EDA: variants seen among roughly 807,000 people sequenced by gnomAD.
EDA encodes the protein ectodysplasin-A.
Under a neutral mutation model 23.6 loss-of-function variants are expected in EDA, and 2 were observed. That is an observed-to-expected ratio of 0.08 (90% CI 0.03 to 0.27). The LOEUF (loss-of-function observed/expected upper bound fraction) is 0.27. EDA is among the 10% of genes least tolerant of loss of function. The probability of loss-of-function intolerance (pLI) is 1.00; values close to 1 mark genes in which losing one functional copy is unlikely to be tolerated. For synonymous variants in EDA, 131 were observed against 132.0 expected (o/e 0.99, Z 0.05); for missense variants, 229 against 324.2 (o/e 0.71, Z 2.26).
At chrX:69,776,476 T>C (rs1043584877) in intron 1 of EDA, among the ~76,000 whole-genome samples, 1 of 111,745 alleles carries the variant, frequency 8.9e-6, no homozygotes, top group Non-Finnish European at 1.9e-5. Flanking sequence ...CCTGCCACGA[T>C]GTAAGACATG....
chrX:69,682,564 G>A (rs775356256), intron 1 of EDA, among the ~76,000 whole-genome samples: 2 of 112,122 alleles, frequency 1.8e-5, no homozygotes, highest in East Asian at 5.6e-4. Flanking sequence ...GCAGTATTCG[G>A]GTGGGAGTGA....
At chrX:69,983,220 G>A (rs2019441853) in intron 2 of EDA, among the ~76,000 whole-genome samples, 1 of 26,395 alleles carries the variant, frequency 3.8e-5, no homozygotes, top group Non-Finnish European at 6.0e-5. Context: ...CAACTTGCCA[G>A]TCTGTGTCTT....
intron 1 of EDA, among the ~76,000 whole-genome samples, chrX:69,789,365 T>C (rs1162379442): frequency 8.9e-6 from 1 of 112,565 alleles, no homozygotes; most frequent in East Asian, 2.8e-4. Context: ...AATCTGGTTT[T>C]GTTTCTTAGC....
chrX:69,758,502 A>G (rs2014195256), intron 1 of EDA, among the ~76,000 whole-genome samples: 2 of 112,547 alleles, frequency 1.8e-5, no homozygotes, highest in African/African-American at 6.4e-5. Flanking sequence ...ATATTCAGCA[A>G]ACATTTTTTG....
intron 1 of EDA, chrX:69,617,682 A>G: frequency 3.0e-6 from 1 of 334,093 alleles, no homozygotes; most frequent in Admixed American, 3.1e-5. Context: ...GAAGCATCCA[A>G]GGATCCTTTC....
Position 69,645,594 on chromosome X carries a change from G to GTGTGTGTGTATATATATA in EDA, c.396+28892_396+28909dup, listed in dbSNP as rs1932906230. The stretch of plus-strand genomic sequence containing the variant: ...AGTTCTCTAGTTCTTTTATATATAT[G>GTGTGTGTGTATATATATA]TGTGTGTGTATATATATATATGTGT... On this transcript the variant is annotated intron_variant, in intron 1 of 7. Transcript: ENST00000374552. 2.6e-4 allele frequency among the ~76,000 whole-genome samples: 13 copies of GTGTGTGTGTATATATATA among 50,069 alleles called. 1 individual carries two copies. Among genetic ancestry groups the GTGTGTGTGTATATATATA allele is most frequent in the East Asian group, 1.9e-3 (1 of 526 alleles). The allele number at this position is 50,069 out of a possible 115,157, so 43.5% of individuals were successfully genotyped here.
chrX:69,783,930 T>A (rs1225521511), intron 1 of EDA, among the ~76,000 whole-genome samples: 2 of 104,825 alleles, frequency 1.9e-5, no homozygotes, highest in African/African-American at 6.8e-5. Context: ...TGTTCCTATT[T>A]CTCCACATCC....
At chrX:69,781,992 G>A (rs894720419) in intron 1 of EDA, among the ~76,000 whole-genome samples, 12 of 109,651 alleles carry the variant, frequency 1.1e-4, no homozygotes, top group African/African-American at 3.7e-4. Context: ...AGAATAGTGT[G>A]GGGGAGGGAG....
At chrX:69,680,959 C>T (rs1266012239) in intron 1 of EDA, among the ~76,000 whole-genome samples, 1 of 107,009 alleles carries the variant, frequency 9.3e-6, no homozygotes, top group Non-Finnish European at 1.9e-5. Flanking sequence ...GCGGCTGGTA[C>T]CGGTTGTTCC....
At chrX:69,691,401 A>C (rs1358737883) in intron 1 of EDA, among the ~76,000 whole-genome samples, 2 of 112,104 alleles carry the variant, frequency 1.8e-5, no homozygotes, top group Admixed American at 9.5e-5. Context: ...GCTTTAATTT[A>C]ATAAAGTAAA....
At chrX:69,761,827 C>G (rs1356884289) in intron 1 of EDA, among the ~76,000 whole-genome samples, 2 of 111,670 alleles carry the variant, frequency 1.8e-5, no homozygotes, top group Admixed American at 1.9e-4. Flanking sequence ...GGCAGTTCCC[C>G]TCCTCCTAAT....
chrX:69,684,779 G>A (rs1160592766), intron 1 of EDA, among the ~76,000 whole-genome samples: 1 of 112,426 alleles, frequency 8.9e-6, no homozygotes, highest in Non-Finnish European at 1.9e-5. Flanking sequence ...AATGCTGTAT[G>A]CTCAATCATG....
intron 1 of EDA, among the ~76,000 whole-genome samples, chrX:69,935,845 A>T (rs925879413): frequency 7.3e-5 from 8 of 109,865 alleles, no homozygotes; most frequent in African/African-American, 2.6e-4. Context: ...ATACACAAAA[A>T]AAACAAGCAT....
intron 1 of EDA, among the ~76,000 whole-genome samples, chrX:69,855,694 A>G (rs1310558525): frequency 9.0e-6 from 1 of 111,607 alleles, no homozygotes; most frequent in Non-Finnish European, 1.9e-5. Context: ...TTATACCAGT[A>G]CCATGCTATT....
At chrX:69,711,809 A>G (rs1220601933) in intron 1 of EDA, among the ~76,000 whole-genome samples, 1 of 111,479 alleles carries the variant, frequency 9.0e-6, no homozygotes, top group Non-Finnish European at 1.9e-5. Flanking sequence ...CTCTGATGGT[A>G]GTTTGTATTT....
At chrX:69,788,918 A>G (rs1204742245) in intron 1 of EDA, among the ~76,000 whole-genome samples, 2 of 112,170 alleles carry the variant, frequency 1.8e-5, no homozygotes, top group African/African-American at 6.5e-5. Context: ...GTTTGATCTC[A>G]GACTGCTGTG....
chrX:69,760,197 CA>C (rs1162014486), intron 1 of EDA, among the ~76,000 whole-genome samples: 591 of 46,492 alleles, frequency 0.013, 2 homozygotes, highest in African/African-American at 0.02. Context: ...CTCTTTTGTA[CA>C]AAAAAAAAAA....
At position 69,668,706 on chromosome X, in the gene EDA, A is replaced by G. The variant is rs780798839; in HGVS notation, c.396+52002A>G. Among the ~76,000 whole-genome samples, 197 of 110,871 alleles carry G rather than the reference A, an allele frequency of 1.8e-3. 1 individual carries two copies. Among genetic ancestry groups the G allele is most frequent in the Non-Finnish European group, 3.3e-3 (174 of 53,001 alleles). ...ATTCTCCTGCCTCAGCCTCCCGAGT[A>G]GCTGGGATTATAGGTGTCCACCACC... On this transcript the variant is annotated intron_variant, in intron 1 of 7. Coordinates refer to ENST00000374552, the MANE Select transcript of EDA (RefSeq NM_001399.5).
chrX:69,697,917 T>C (rs909094911), intron 1 of EDA, among the ~76,000 whole-genome samples: 4 of 112,545 alleles, frequency 3.6e-5, no homozygotes, highest in African/African-American at 1.3e-4. Context: ...CTTCTGCTAA[T>C]AACTAGTCTA....
Sources: allele counts gnomAD v4.1 joint callset (sites outside exome capture counted in the v4.1 genomes callset), GRCh38; gene constraint gnomAD v4.1.1; transcripts MANE v1.5; gene names NCBI Gene and HGNC (gene_info 2026-07-23, HGNC 2026-07-21).